NLGN1: variants seen among roughly 807,000 people sequenced by gnomAD.
NLGN1 encodes neuroligin-1.
In NLGN1, 12 loss-of-function variants were observed where a neutral mutation model predicts 65.5. That is an observed-to-expected ratio of 0.18 (90% confidence interval 0.12 to 0.30). NLGN1 has a LOEUF of 0.30. Ranked by LOEUF, NLGN1 falls within the 10% of genes least tolerant of loss-of-function variation. The pLI is 1.00. For synonymous variants in NLGN1, 350 were observed against 359.5 expected (o/e 0.97, Z 0.30); for missense variants, 750 against 1,007.1 (o/e 0.74, Z 3.46).
intron 4 of NLGN1, among the ~76,000 whole-genome samples, chr3:173,900,002 T>C (rs1021038518): frequency 2.0e-5 from 3 of 152,102 alleles, no homozygotes; most frequent in African/African-American, 7.2e-5. Flanking sequence ...GATTTTCCTT[T>C]TTCCTTTCAA....
At chr3:173,772,684 A>C (rs1265116549) in intron 3 of NLGN1, among the ~76,000 whole-genome samples, 1 of 152,182 alleles carries the variant, frequency 6.6e-6, no homozygotes, top group Non-Finnish European at 1.5e-5. Context: ...TTTAAAGTTA[A>C]GCTTTTCTTC....
chr3:174,226,668 A>C (rs1194901388), intron 4 of NLGN1, among the ~76,000 whole-genome samples: 1 of 152,172 alleles, frequency 6.6e-6, no homozygotes, highest in Admixed American at 6.5e-5. Context: ...AGTATTTTAC[A>C]ACATAAGAAC....
At chr3:174,157,915 C>T (rs1261224363) in intron 4 of NLGN1, among the ~76,000 whole-genome samples, 1 of 151,656 alleles carries the variant, frequency 6.6e-6, no homozygotes, top group African/African-American at 2.4e-5. Context: ...TTCTTTAATA[C>T]TTTTTAGTCT....
At chr3:173,848,217 A>G (rs34147020) in intron 4 of NLGN1, among the ~76,000 whole-genome samples, 2,185 of 152,320 alleles carry the variant, frequency 0.014, 24 homozygotes, top group Non-Finnish European at 0.025. Context: ...TAAAGACCCT[A>G]GAGGAATAGT....
intron 2 of NLGN1, among the ~76,000 whole-genome samples, chr3:173,603,768 C>T (rs1750942387): frequency 1.3e-5 from 2 of 152,154 alleles, no homozygotes; most frequent in East Asian, 1.9e-4. Context: ...TTCTTGTCCT[C>T]ATATTATCTT....
intron 2 of NLGN1, among the ~76,000 whole-genome samples, chr3:173,514,346 A>T (rs1733483076): frequency 6.6e-6 from 1 of 152,112 alleles, no homozygotes; most frequent in African/African-American, 2.4e-5. Flanking sequence ...AGCAGTTTAC[A>T]CTGTACCAAA....
intron 4 of NLGN1, chr3:173,912,598 T>C (rs192762183): frequency 1.1e-3 from 163 of 152,228 alleles, no homozygotes; most frequent in African/African-American, 3.7e-3. Context: ...CTAAAAACAT[T>C]GGAAAAACAA....
chr3:173,792,564 A>G (rs896305689), intron 3 of NLGN1, among the ~76,000 whole-genome samples: 3 of 152,084 alleles, frequency 2.0e-5, no homozygotes, highest in Admixed American at 2.0e-4. Flanking sequence ...TAAGGAATCA[A>G]ACATATGGAA....
At chr3:173,727,020 GA>G (rs1320529134) in intron 3 of NLGN1, among the ~76,000 whole-genome samples, 1 of 151,128 alleles carries the variant, frequency 6.6e-6, no homozygotes, top group African/African-American at 2.4e-5. Context: ...AGCAGGAACA[GA>G]AAAGGAGAGA....
intron 4 of NLGN1, among the ~76,000 whole-genome samples, chr3:173,953,338 AAAT>A (rs1416282108): frequency 6.6e-6 from 1 of 152,178 alleles, no homozygotes; most frequent in Non-Finnish European, 1.5e-5. Context: ...TTTAAACAAA[AAAT>A]AATACTTATT....
rs187736523 is a variant in NLGN1 at position 173,823,195 on chromosome 3, G to C, written c.646+15363G>C. Among the ~76,000 whole-genome samples the C allele has an allele frequency of 2.3e-3, 348 of 152,120 alleles. 1 individual carries two copies. Among genetic ancestry groups the C allele is most frequent in the Admixed American group, 3.4e-3 (52 of 15,276 alleles). ...AACTTGAATCTGTCATAAGTTGTGA[G>C]TCTGTTCTTTTAAATGTTTCTTATA... On this transcript the variant is annotated intron_variant, in intron 4 of 6. Transcript: ENST00000457714.
intron 2 of NLGN1, among the ~76,000 whole-genome samples, chr3:173,472,154 C>T (rs1725418681): frequency 1.3e-5 from 2 of 152,068 alleles, no homozygotes; most frequent in African/African-American, 2.4e-5. Flanking sequence ...AGTTCTCAAA[C>T]ACAGAAATAG....
At chr3:173,420,422 G>A (rs1003933009) in intron 1 of NLGN1, among the ~76,000 whole-genome samples, 2 of 151,984 alleles carry the variant, frequency 1.3e-5, no homozygotes, top group African/African-American at 4.8e-5. Flanking sequence ...ATTTTTTATG[G>A]CTGCAAAGTA....
intron 4 of NLGN1, among the ~76,000 whole-genome samples, chr3:174,217,341 T>C (rs978910234): frequency 6.6e-6 from 1 of 152,140 alleles, no homozygotes; most frequent in African/African-American, 2.4e-5. Context: ...AATGAAAACA[T>C]AATCTACAGT....
intron 2 of NLGN1, among the ~76,000 whole-genome samples, chr3:173,460,773 G>C (rs565729146): frequency 2.0e-5 from 3 of 152,140 alleles, no homozygotes; most frequent in Admixed American, 1.3e-4. Context: ...TTTTTTTGAT[G>C]TCTACATGGA....
At chr3:173,459,012 C>T (rs1451846858) in intron 2 of NLGN1, among the ~76,000 whole-genome samples, 1 of 152,062 alleles carries the variant, frequency 6.6e-6, no homozygotes. Flanking sequence ...TCTCCAGCCA[C>T]AGAGAGCCTG....
chr3:173,834,616 T>C (rs936230184), intron 4 of NLGN1, among the ~76,000 whole-genome samples: 5 of 152,148 alleles, frequency 3.3e-5, no homozygotes, highest in African/African-American at 1.2e-4. Flanking sequence ...CATTATATCT[T>C]TGCCAAACAC....
chr3:173,878,544 T>G (rs1022797233), intron 4 of NLGN1, among the ~76,000 whole-genome samples: 1 of 151,700 alleles, frequency 6.6e-6, no homozygotes, highest in Non-Finnish European at 1.5e-5. Context: ...GCTATGAAGA[T>G]CATTGTGTAC....
intron 4 of NLGN1, among the ~76,000 whole-genome samples, chr3:174,195,982 T>C (rs1733340279): frequency 6.6e-6 from 1 of 152,178 alleles, no homozygotes; most frequent in Non-Finnish European, 1.5e-5. Context: ...TCCTTAATGC[T>C]CTGTCAAGAT....
Sources: gnomAD v4.1 joint callset for allele counts (sites outside exome capture counted in the v4.1 genomes callset) on GRCh38, gnomAD v4.1.1 for gene constraint, MANE v1.5 for transcripts, NCBI Gene and HGNC (gene_info 2026-07-23, HGNC 2026-07-21) for gene names.